Variants in LRMDA observed in about 807,000 individuals in gnomAD.
The protein encoded by LRMDA is leucine-rich melanocyte differentiation-associated protein.
Under a neutral mutation model 29.8 loss-of-function variants are expected in LRMDA, and 18 were observed. The observed-to-expected ratio is 0.60, with a 90% CI of 0.42 to 0.90. The LOEUF (loss-of-function observed/expected upper bound fraction) is 0.90. Ranked by LOEUF, LRMDA falls within the 40% of genes least tolerant of loss-of-function variation. The probability of loss-of-function intolerance (pLI) is 0.00; values close to 1 mark genes in which losing one functional copy is unlikely to be tolerated. For missense variants in LRMDA, 273 were observed against 273.9 expected (o/e 1.00, Z 0.02); for synonymous variants, 125 against 109.4 (o/e 1.14, Z -0.89).
intron 5 of LRMDA, among the ~76,000 whole-genome samples, chr10:76,184,139 T>G (rs1244305739): frequency 6.6e-6 from 1 of 152,078 alleles, no homozygotes; most frequent in East Asian, 1.9e-4. Context: ...CAAGTGATTC[T>G]CCTGCCTCAG....
chr10:76,521,233 A>G (rs999530439), intron 6 of LRMDA, among the ~76,000 whole-genome samples: 3 of 149,722 alleles, frequency 2.0e-5, no homozygotes, highest in African/African-American at 7.4e-5. Context: ...TCCCGGGTTC[A>G]TGCCATTCTC....
At chr10:76,170,445 T>C (rs1035403071) in intron 5 of LRMDA, among the ~76,000 whole-genome samples, 3 of 152,232 alleles carry the variant, frequency 2.0e-5, no homozygotes, top group African/African-American at 4.8e-5. Context: ...TATTGGCTAA[T>C]TGACTAAAAG....
chr10:75,913,424 C>T (rs953138434), intron 2 of LRMDA, among the ~76,000 whole-genome samples: 1 of 152,166 alleles, frequency 6.6e-6, no homozygotes, highest in Non-Finnish European at 1.5e-5. Context: ...CCACTGCACT[C>T]CAGCCTGGAC....
chr10:75,617,411 A>G (rs532271877), intron 2 of LRMDA, among the ~76,000 whole-genome samples: 3 of 152,164 alleles, frequency 2.0e-5, no homozygotes, highest in African/African-American at 7.2e-5. Flanking sequence ...AATTTGGCCA[A>G]CTCAGAATGT....
chr10:76,306,089 C>A (rs1840551961), intron 5 of LRMDA, among the ~76,000 whole-genome samples: 1 of 152,186 alleles, frequency 6.6e-6, no homozygotes, highest in Non-Finnish European at 1.5e-5. Context: ...TAGAAAGGTA[C>A]ACAGGCTGAG....
At chr10:76,231,948 A>G (rs1852066455) in intron 5 of LRMDA, among the ~76,000 whole-genome samples, 1 of 152,210 alleles carries the variant, frequency 6.6e-6, no homozygotes, top group South Asian at 2.1e-4. Flanking sequence ...GAGAATTCTA[A>G]AGAGAATTTT....
At chr10:75,869,084 G>A (rs908124301) in intron 2 of LRMDA, among the ~76,000 whole-genome samples, 5 of 152,130 alleles carry the variant, frequency 3.3e-5, no homozygotes, top group Non-Finnish European at 2.9e-5. Context: ...TGAAGGGATG[G>A]GGGTCTAGAG....
intron 2 of LRMDA, among the ~76,000 whole-genome samples, chr10:75,872,826 C>T (rs142665259): frequency 1.6e-4 from 24 of 152,106 alleles, no homozygotes; most frequent in Non-Finnish European, 2.5e-4. Context: ...CTGCAACACA[C>T]GCCTGTTATA....
At chr10:76,469,348 GACTAC>G (rs1842595628) in intron 6 of LRMDA, among the ~76,000 whole-genome samples, 1 of 152,138 alleles carries the variant, frequency 6.6e-6, no homozygotes, top group African/African-American at 2.4e-5. Flanking sequence ...AGAAGTCAGA[GACTAC>G]TGTTCTCTGC....
At chr10:76,388,662 T>C (rs993827143) in intron 6 of LRMDA, among the ~76,000 whole-genome samples, 8 of 152,308 alleles carry the variant, frequency 5.3e-5, no homozygotes, top group African/African-American at 1.9e-4. Flanking sequence ...ACACACTGAT[T>C]CAAGGGAAGG....
chr10:75,887,701 AG>A (rs1000748364), intron 2 of LRMDA, among the ~76,000 whole-genome samples: 1 of 152,202 alleles, frequency 6.6e-6, no homozygotes, highest in African/African-American at 2.4e-5. Context: ...GGCCCTTTAC[AG>A]AAAAAGCTTG....
intron 6 of LRMDA, among the ~76,000 whole-genome samples, chr10:76,452,244 A>G (rs1409443769): frequency 6.6e-6 from 1 of 152,170 alleles, no homozygotes; most frequent in Non-Finnish European, 1.5e-5. Flanking sequence ...GATGTAGACA[A>G]TAATATATGG....
chr10:76,168,783 A>G (rs1184342648), intron 5 of LRMDA, among the ~76,000 whole-genome samples: 1 of 152,234 alleles, frequency 6.6e-6, no homozygotes, highest in Non-Finnish European at 1.5e-5. Flanking sequence ...CTATTTCCAT[A>G]TATCTCTTCC....
chr10:76,375,741 G>C (rs186505174), intron 6 of LRMDA, among the ~76,000 whole-genome samples: 2 of 117,998 alleles, frequency 1.7e-5, no homozygotes, highest in Admixed American at 8.1e-5. Context: ...TTTTTTTTTC[G>C]GGGGGAGAGG....
intron 3 of LRMDA, 84 bp from the exon 4 acceptor site, chr10:76,047,080 G>T (rs573079346): frequency 1.4e-6 from 2 of 1,470,072 alleles, no homozygotes; most frequent in African/African-American, 1.4e-5. Flanking sequence ...GAGCAGACTG[G>T]ACTCATCAGC....
At chr10:75,459,129 G>A (rs1032483691) in intron 2 of LRMDA, among the ~76,000 whole-genome samples, 46 of 152,010 alleles carry the variant, frequency 3.0e-4, no homozygotes, top group African/African-American at 1.4e-4. Context: ...AAAAAAACCC[G>A]CTGCTTTTAG....
chr10:76,047,723 C>G (rs184394431), intron 4 of LRMDA, among the ~76,000 whole-genome samples: 1 of 152,288 alleles, frequency 6.6e-6, no homozygotes, highest in East Asian at 1.9e-4. Context: ...CTTGCTGACC[C>G]CTGCTCTGTG....
At chr10:75,868,105 T>C (rs1845050033) in intron 2 of LRMDA, among the ~76,000 whole-genome samples, 3 of 152,230 alleles carry the variant, frequency 2.0e-5, no homozygotes, top group Admixed American at 2.0e-4. Context: ...TGCTTACCTC[T>C]GGTCTATGAT....
chr10:75,849,091 T>C (rs968800574), intron 2 of LRMDA, among the ~76,000 whole-genome samples: 1 of 152,140 alleles, frequency 6.6e-6, no homozygotes, highest in Non-Finnish European at 1.5e-5. Context: ...CTCCAACTCC[T>C]CCTATAGGAC....
Sources: gnomAD v4.1 joint callset for allele counts (sites outside exome capture counted in the v4.1 genomes callset) on GRCh38, gnomAD v4.1.1 for gene constraint, MANE v1.5 for transcripts, NCBI Gene and HGNC (gene_info 2026-07-23, HGNC 2026-07-21) for gene names.